SNX29: variants seen among roughly 807,000 people sequenced by gnomAD.
The protein encoded by SNX29 is sorting nexin 29, also known as sorting nexin-29.
Under a neutral mutation model 102.1 loss-of-function variants are expected in SNX29, and 78 were observed. That is an observed-to-expected ratio of 0.76 (90% CI 0.64 to 0.92). The LOEUF is 0.92. SNX29 is among the 40% of genes least tolerant of loss of function. The probability of loss-of-function intolerance (pLI) is 0.00; values close to 1 mark genes in which losing one functional copy is unlikely to be tolerated. For missense variants in SNX29, 1,280 were observed against 1,061.7 expected (o/e 1.21, Z -2.86); for synonymous variants, 580 against 414.5 (o/e 1.40, Z -4.85).
chr16:12,105,398 G>A lies in SNX29; in HGVS notation c.1403-21235G>A, dbSNP rs544620297. 2.0e-5 allele frequency among the ~76,000 whole-genome samples: 3 copies of A among 151,880 alleles called. No homozygotes were observed. In the East Asian group the frequency reaches 5.8e-4, roughly 29 times the overall value. On this transcript the variant is annotated intron_variant, in intron 11 of 20. Coordinates refer to ENST00000566228, the MANE Select transcript of SNX29 (RefSeq NM_032167.5). Reference sequence around the variant, plus strand: ...CACCACCACACCTAGCTAGTTTTTTGTTTTTTTCTTTTAATAGAGGTGGGT... The same window carrying A: ...CACCACCACACCTAGCTAGTTTTTTATTTTTTTCTTTTAATAGAGGTGGGT...
chr16:12,555,882 C>G (rs1290078568), intron 20 of SNX29, among the ~76,000 whole-genome samples: 1 of 152,182 alleles, frequency 6.6e-6, no homozygotes, highest in Non-Finnish European at 1.5e-5. Context: ...GCCGTGCTTT[C>G]TGCCCTCCTG....
At chr16:12,271,347 TC>T (rs1365961577) in intron 14 of SNX29, among the ~76,000 whole-genome samples, 1 of 152,168 alleles carries the variant, frequency 6.6e-6, no homozygotes, top group Non-Finnish European at 1.5e-5. Context: ...GTGCATCAGT[TC>T]CTTGCCATGA....
intron 13 of SNX29, among the ~76,000 whole-genome samples, chr16:12,147,762 ACGGTT>A (rs2055125930): frequency 6.6e-6 from 1 of 152,212 alleles, no homozygotes; most frequent in Admixed American, 6.5e-5. Context: ...CCTTTCCGGT[ACGGTT>A]CACAAGGTGG....
At chr16:12,458,892 T>A (rs2086649375) in intron 18 of SNX29, among the ~76,000 whole-genome samples, 1 of 152,216 alleles carries the variant, frequency 6.6e-6, no homozygotes, top group Non-Finnish European at 1.5e-5. Flanking sequence ...TCTCAGGTCT[T>A]TTCACTACAA....
At chr16:12,226,551 C>G (rs924757784) in intron 14 of SNX29, among the ~76,000 whole-genome samples, 4 of 148,520 alleles carry the variant, frequency 2.7e-5, no homozygotes, top group Admixed American at 1.3e-4. Context: ...TCCAGGGGAG[C>G]TGAAGGGCGT....
chr16:12,234,340 C>G (rs1214592015), intron 14 of SNX29, among the ~76,000 whole-genome samples: 1 of 152,162 alleles, frequency 6.6e-6, no homozygotes, highest in African/African-American at 2.4e-5. Context: ...CTACAAATGG[C>G]TTACTGGCCA....
chr16:12,062,377 A>AAAATAAAT (rs34207508), intron 9 of SNX29, among the ~76,000 whole-genome samples: 12,112 of 137,520 alleles, frequency 0.088, 686 homozygotes, highest in African/African-American at 0.16. Flanking sequence ...ACTCTGTCTC[A>AAAATAAAT]AAATAAATAA....
At chr16:12,538,792 T>G (rs1428696349) in intron 20 of SNX29, among the ~76,000 whole-genome samples, 3 of 152,042 alleles carry the variant, frequency 2.0e-5, no homozygotes, top group African/African-American at 7.3e-5. Context: ...CCAAGGGGGA[T>G]TACAAGGCAG....
chr16:12,426,084 ATTT>A (rs530487278), intron 18 of SNX29, among the ~76,000 whole-genome samples: 3 of 147,496 alleles, frequency 2.0e-5, no homozygotes, highest in African/African-American at 7.5e-5. Context: ...TAGTTATCTT[ATTT>A]TTTTTTTTTA....
intron 8 of SNX29, among the ~76,000 whole-genome samples, chr16:12,053,887 G>C (rs2050411022): frequency 6.6e-6 from 1 of 152,068 alleles, no homozygotes; most frequent in Admixed American, 6.6e-5. Flanking sequence ...GGATTCCATA[G>C]GGAGGCAAGA....
rs146862289 is a variant in SNX29 at position 12,052,723 on chromosome 16, A to G, written c.1124+501A>G. Reference sequence around the variant, plus strand: ...AGGAGTACATTTGAGGGCACTTAATACAAAGTTAATGTCAGAATGTGTGCC... The same window carrying G: ...AGGAGTACATTTGAGGGCACTTAATGCAAAGTTAATGTCAGAATGTGTGCC... On this transcript the variant is annotated intron_variant, in intron 8 of 20. Coordinates refer to ENST00000566228, the MANE Select transcript of SNX29 (RefSeq NM_032167.5). 505 of 172,530 alleles carry G rather than the reference A, an allele frequency of 2.9e-3. 3 individuals carry two copies. The highest frequency in any genetic ancestry group is 0.011 in the African/African-American group (466 of 41,812). The allele number at this position is 172,530 out of a possible 1,614,324, so 10.7% of individuals were successfully genotyped here.
At chr16:12,014,019 ACTC>A (rs2056766376) in intron 3 of SNX29, among the ~76,000 whole-genome samples, 1 of 151,588 alleles carries the variant, frequency 6.6e-6, no homozygotes, top group Non-Finnish European at 1.5e-5. Flanking sequence ...CTGGCTTTGA[ACTC>A]CTGGCCTCAA....
rs1188902555 is a variant in SNX29, at chr16:12,012,778, A to G, written c.122+9735A>G. ...TTTTGCCATTTCTATGTTCCATCTG[A>G]GCCAGAGGTTGGCTTGAGGTGGAAT... On this transcript the variant is annotated intron_variant, in intron 3 of 20. Coordinates refer to ENST00000566228, the MANE Select transcript of SNX29 (RefSeq NM_032167.5). Among the ~76,000 whole-genome samples, 3 of 151,954 alleles carry G rather than the reference A, an allele frequency of 2.0e-5. No homozygotes were observed. In the East Asian group the frequency reaches 5.8e-4, roughly 29 times the overall value.
chr16:12,466,173 G>A (rs7189458), intron 18 of SNX29, among the ~76,000 whole-genome samples: 63 of 151,942 alleles, frequency 4.1e-4, no homozygotes, highest in African/African-American at 1.3e-3. Flanking sequence ...AGAAATAAAA[G>A]GCATCCAAAT....
At chr16:12,463,817 A>AGAGTGTGT (rs148125227) in intron 18 of SNX29, among the ~76,000 whole-genome samples, 2 of 143,270 alleles carry the variant, frequency 1.4e-5, no homozygotes, top group Non-Finnish European at 1.5e-5. Context: ...TCCCGAAGTG[A>AGAGTGTGT]GTGTGTGTGT....
chr16:12,201,211 C>T (rs2076906993), intron 14 of SNX29, among the ~76,000 whole-genome samples: 1 of 152,116 alleles, frequency 6.6e-6, no homozygotes, highest in Non-Finnish European at 1.5e-5. Context: ...GCCTCATGCC[C>T]TTTTCATACA....
chr16:12,303,856 G>C (rs1016703424), intron 15 of SNX29, among the ~76,000 whole-genome samples: 1 of 152,212 alleles, frequency 6.6e-6, no homozygotes, highest in East Asian at 1.9e-4. Context: ...CTGAGTCCTT[G>C]AGAATGACGT....
intron 16 of SNX29, among the ~76,000 whole-genome samples, chr16:12,364,147 C>T (rs1393880081): frequency 7.8e-6 from 1 of 127,516 alleles, no homozygotes; most frequent in Non-Finnish European, 1.7e-5. Context: ...TGTGCGCCAC[C>T]AAGCCTGGCT....
intron 1 of SNX29, chr16:11,983,694 T>C (rs1185044017): frequency 1.0e-6 from 1 of 985,426 alleles, no homozygotes; most frequent in African/African-American, 1.7e-5. Context: ...TCTTGCCTCC[T>C]GGTTGCTTGA....
Sources: allele counts gnomAD v4.1 joint callset (sites outside exome capture counted in the v4.1 genomes callset), GRCh38; gene constraint gnomAD v4.1.1; transcripts MANE v1.5; gene names NCBI Gene and HGNC (gene_info 2026-07-23, HGNC 2026-07-21).